Variants in MANBAL observed in about 807,000 individuals in gnomAD.
MANBAL encodes protein MANBAL.
Under a neutral mutation model 6.4 loss-of-function variants are expected in MANBAL, and 1 was observed. The observed-to-expected ratio is 0.16, with a 90% CI of 0.06 to 0.74. The LOEUF (loss-of-function observed/expected upper bound fraction) is 0.74. Among genes scored for constraint, MANBAL ranks in the 30% least tolerant of loss-of-function variants. MANBAL has a pLI of 0.78. For missense variants in MANBAL, 100 were observed against 107.8 expected (o/e 0.93, Z 0.32); for synonymous variants, 47 against 45.8 (o/e 1.03, Z -0.10).
At chr20:37,314,858 C>T (rs1167209056) in intron 2 of MANBAL, among the ~76,000 whole-genome samples, 1 of 152,178 alleles carries the variant, frequency 6.6e-6, no homozygotes, top group East Asian at 1.9e-4. Context: ...GGGCCCTCCT[C>T]TTCTGTAGGG....
In MANBAL at chr20:37,310,768, CG is replaced by C. The variant is rs142281666; in HGVS notation, c.151-5537del. Among the ~76,000 whole-genome samples, 873 of 152,258 alleles carry C rather than the reference CG, an allele frequency of 5.7e-3. 9 individuals are homozygous for C. Among genetic ancestry groups the C allele is most frequent in the African/African-American group, 0.02 (832 of 41,550 alleles). On this transcript the variant is annotated intron_variant, in intron 2 of 2. Transcript: ENST00000373606. ...TGTGAACCCAGGAGCCACCTGGCCT[CG>C]GGAGTTTTCTTTTATATGTGACAGT...
chr20:37,315,104 C>T (rs888947746), intron 2 of MANBAL, among the ~76,000 whole-genome samples: 23 of 152,170 alleles, frequency 1.5e-4, no homozygotes, highest in Non-Finnish European at 2.8e-4. Context: ...GTGGGGGCCA[C>T]GGTCGGCACC....
intron 1 of MANBAL, among the ~76,000 whole-genome samples, chr20:37,294,431 A>G (rs2068946441): frequency 1.3e-5 from 2 of 152,238 alleles, no homozygotes; most frequent in South Asian, 4.1e-4. Flanking sequence ...CAGAGGGATC[A>G]TTTTGAAATG....
chr20:37,300,041 C>T lies in MANBAL; in HGVS notation c.-56-1167C>T, dbSNP rs191923064. 3.0e-4 allele frequency among the ~76,000 whole-genome samples: 46 copies of T among 152,242 alleles called. No homozygotes were observed. The East Asian group carries it at 8.5e-3, about 28-fold the overall frequency. ...CTCTTGTCTGGCTTATTGGCAGGGG[C>T]CTCCTCCTGGCTCTCCCTGTGTCCA... is the stretch of plus-strand genomic sequence containing the variant. On this transcript the variant is annotated intron_variant, in intron 1 of 2. Transcript: ENST00000373606.
chr20:37,302,451 C>A (rs1600907057), intron 2 of MANBAL: 2 of 1,141,118 alleles, frequency 1.8e-6, no homozygotes, highest in African/African-American at 1.6e-5. Context: ...ATCAGCTGAT[C>A]CCTCCATTAT....
intron 2 of MANBAL, among the ~76,000 whole-genome samples, chr20:37,312,897 T>C (rs2146831972): frequency 6.6e-6 from 1 of 152,338 alleles, no homozygotes; most frequent in African/African-American, 2.4e-5. Flanking sequence ...TCCTCTGTGA[T>C]CATGGAAAAG....
chr20:37,316,193 A>G (rs545019712), intron 2 of MANBAL, 115 bp from the exon 3 acceptor site: 11 of 949,782 alleles, frequency 1.2e-5, no homozygotes, highest in Non-Finnish European at 1.6e-5. Flanking sequence ...CGGGAATGAC[A>G]GTTTCCATCT....
chr20:37,315,899 G>A (rs1889771770), intron 2 of MANBAL, among the ~76,000 whole-genome samples: 1 of 152,250 alleles, frequency 6.6e-6, no homozygotes, highest in Admixed American at 6.5e-5. Flanking sequence ...CCAGTCACTG[G>A]GTGCAGCTGG....
At chr20:37,312,006 C>T (rs527625825) in intron 2 of MANBAL, among the ~76,000 whole-genome samples, 72 of 152,184 alleles carry the variant, frequency 4.7e-4, no homozygotes, top group African/African-American at 1.7e-3. Flanking sequence ...ACCTTGGGGA[C>T]AGGTTGGATG....
chr20:37,290,609 C>T (rs1015217906), intron 1 of MANBAL, among the ~76,000 whole-genome samples: 1 of 152,120 alleles, frequency 6.6e-6, no homozygotes, highest in African/African-American at 2.4e-5. Context: ...CAGACGTGTG[C>T]CACCACGCCC....
chr20:37,302,516 G>C lies in MANBAL; in HGVS notation c.150+1103G>C, dbSNP rs115866274. Among the ~76,000 whole-genome samples, 754 of 152,238 alleles carry C rather than the reference G, an allele frequency of 5.0e-3. 10 individuals are homozygous for C. Among genetic ancestry groups the C allele is most frequent in the African/African-American group, 0.018 (728 of 41,528 alleles). On this transcript the variant is annotated intron_variant, in intron 2 of 2. Coordinates refer to ENST00000373606, the MANE Select transcript of MANBAL (RefSeq NM_001003897.2). The stretch of plus-strand genomic sequence containing the variant: ...GTTTTAGCATCCATTGATGGTCGTT[G>C]CTTAGATCCATTATTTCCTTCTGCA...
chr20:37,314,070 A>G (rs1708072978), intron 2 of MANBAL, among the ~76,000 whole-genome samples: 1 of 152,208 alleles, frequency 6.6e-6, no homozygotes. Flanking sequence ...TCGTGGGTGC[A>G]TGAGGAATGG....
chr20:37,304,200 A>C (rs184937029), intron 2 of MANBAL, among the ~76,000 whole-genome samples: 1 of 152,002 alleles, frequency 6.6e-6, no homozygotes, highest in Non-Finnish European at 1.5e-5. Flanking sequence ...TTTAGTAACT[A>C]TTTTTCTCTG....
chr20:37,303,966 T>TC (rs2069200264), intron 2 of MANBAL, among the ~76,000 whole-genome samples: 1 of 152,214 alleles, frequency 6.6e-6, no homozygotes, highest in Non-Finnish European at 1.5e-5. Context: ...CCACCTGGAA[T>TC]CCAAGTTCCC....
intron 1 of MANBAL, among the ~76,000 whole-genome samples, chr20:37,297,728 C>T (rs2069030929): frequency 6.6e-6 from 1 of 151,822 alleles, no homozygotes; most frequent in Non-Finnish European, 1.5e-5. Flanking sequence ...CTGCAACCTC[C>T]GTCTCCCGAG....
chr20:37,289,681 C>T lies in MANBAL; in HGVS notation c.-62C>T, dbSNP rs981134719. 6.6e-5 allele frequency: 10 copies of T among 152,666 alleles called. No individual in the cohort carries two copies. Among genetic ancestry groups the T allele is most frequent in the Non-Finnish European group, 1.2e-4 (8 of 68,430 alleles). The allele number at this position is 152,666 out of a possible 1,614,324, so 9.5% of individuals were successfully genotyped here. A position where few individuals can be genotyped will look rare whatever the true frequency, so the allele number is the denominator to read the frequency against. On this transcript the variant is annotated 5_prime_UTR_variant, in exon 1 of 3. Coordinates refer to ENST00000373606, the MANE Select transcript of MANBAL (RefSeq NM_001003897.2). ...CTTCCGGGGGAGCGGCGCGGCGGCG[C>T]GGGAGGTGAGTGCCGCAGCTTTGCG...
At position 37,316,772 on chromosome 20, in the gene MANBAL, G is replaced by A; in HGVS notation, c.*357G>A. 1 of 202,538 alleles carries A rather than the reference G, an allele frequency of 4.9e-6. No homozygotes were observed. The highest frequency in any genetic ancestry group is 1.0e-5 in the Non-Finnish European group (1 of 99,940). The allele number at this position is 202,538 out of a possible 1,614,324, so 12.5% of individuals were successfully genotyped here. ...TCCTTGTGGGTTTACACTACATTTG[G>A]GAGTCATTGTCTAATGCTGACAAGC... On this transcript the variant is annotated 3_prime_UTR_variant, in exon 3 of 3. Transcript: ENST00000373606.
chr20:37,305,462 G>A (rs951280535), intron 2 of MANBAL, among the ~76,000 whole-genome samples: 7 of 152,112 alleles, frequency 4.6e-5, no homozygotes, highest in Non-Finnish European at 7.3e-5. Flanking sequence ...GGGATAGTGC[G>A]TTAAAGTCTT....
chr20:37,308,702 TTCC>T (rs1261030077), intron 2 of MANBAL, among the ~76,000 whole-genome samples: 4 of 152,120 alleles, frequency 2.6e-5, no homozygotes, highest in Non-Finnish European at 5.9e-5. Context: ...GGAGCCTGTC[TTCC>T]TCCTCCCCAT....
Sources: allele counts gnomAD v4.1 joint callset (sites outside exome capture counted in the v4.1 genomes callset), GRCh38; gene constraint gnomAD v4.1.1; transcripts MANE v1.5; gene names NCBI Gene and HGNC (gene_info 2026-07-23, HGNC 2026-07-21).